Variants in SMAD9 observed in about 807,000 individuals in gnomAD.
SMAD9 encodes MAD homolog 9.
Under a neutral mutation model 46.1 loss-of-function variants are expected in SMAD9, and 36 were observed. That is an observed-to-expected ratio of 0.78 (90% CI 0.60 to 1.03). SMAD9 has a LOEUF of 1.03. Ranked by LOEUF, SMAD9 falls within the 50% of genes least tolerant of loss-of-function variation. The probability of loss-of-function intolerance (pLI) is 0.00; values close to 1 mark genes in which losing one functional copy is unlikely to be tolerated. For synonymous variants in SMAD9, 245 were observed against 237.1 expected (o/e 1.03, Z -0.31); for missense variants, 572 against 599.8 (o/e 0.95, Z 0.48).
chr13:36,847,822 C>G lies in SMAD9; in HGVS notation c.*854G>C, dbSNP rs1433531042. 3 of 152,252 alleles carry G rather than the reference C, an allele frequency of 2.0e-5. No homozygotes were observed. Among genetic ancestry groups the G allele is most frequent in the Non-Finnish European group, 4.4e-5 (3 of 68,058 alleles). The allele number at this position is 152,252 out of a possible 1,614,324, so 9.4% of individuals were successfully genotyped here. On this transcript the variant is annotated 3_prime_UTR_variant, in exon 7 of 7. Transcript: ENST00000379826. ...CTGAAACACAAGCTATTCTGGCACG[C>G]TGCGCAGACTCAAAGTTTGCAGGAC...
Position 36,903,701 on chromosome 13 carries a change from T to G in SMAD9, c.-187+16415A>C, listed in dbSNP as rs573584762. Among the ~76,000 whole-genome samples the G allele has an allele frequency of 2.0e-5, 3 of 152,318 alleles. No individual in the cohort carries two copies. The South Asian group carries it at 6.2e-4, about 32-fold the overall frequency. The stretch of plus-strand genomic sequence containing the variant: ...CAAGTAATTCTTCTAGATAAGTTAA[T>G]TTTACAGTCATACTATATATAATGC... On this transcript the variant is annotated intron_variant, in intron 1 of 6. Transcript: ENST00000379826.
Position 36,848,298 on chromosome 13 carries a change from G to T in SMAD9, c.*378C>A. ...ATTTGCTTTAGTGCTGCTAATACCT[G>T]ACTTTTGCTGTATAAACAGTTTCAA... On this transcript the variant is annotated 3_prime_UTR_variant, in exon 7 of 7. Coordinates refer to ENST00000379826, the MANE Select transcript of SMAD9 (RefSeq NM_001127217.3). 4.4e-6 allele frequency: 1 copy of T among 229,722 alleles called. No homozygotes were observed. Among genetic ancestry groups the T allele is most frequent in the Non-Finnish European group, 8.7e-6 (1 of 115,066 alleles). 14.2% of individuals were successfully genotyped at this position (229,722 alleles called of 1,614,324 possible).
chr13:36,874,658 C>A (rs573749848), intron 2 of SMAD9, among the ~76,000 whole-genome samples: 1 of 152,004 alleles, frequency 6.6e-6, no homozygotes, highest in East Asian at 1.9e-4. Context: ...GAGATCGAGA[C>A]CATCCTGGCT....
chr13:36,919,803 TC>T, intron 1 of SMAD9, among the ~76,000 whole-genome samples: 1 of 147,240 alleles, frequency 6.8e-6, no homozygotes, highest in East Asian at 2.1e-4. Context: ...CCCAGAGCAG[TC>T]CCCTCCGGCC....
intron 2 of SMAD9, among the ~76,000 whole-genome samples, chr13:36,878,216 A>G (rs1205210917): frequency 1.3e-5 from 2 of 152,180 alleles, no homozygotes; most frequent in Admixed American, 6.5e-5. Context: ...GGTTTTAGAA[A>G]GATACTTTCC....
In SMAD9 at chr13:36,894,552, A is replaced by G. The variant is rs950857945; in HGVS notation, c.-186-14677T>C. 2.5e-4 allele frequency among the ~76,000 whole-genome samples: 38 copies of G among 152,212 alleles called. 1 individual carries two copies. The highest frequency in any genetic ancestry group is 3.5e-4 in the Non-Finnish European group (24 of 68,034). ...AGTTACAAAACTAACACATGGAACA[A>G]TTAATGAGTAGCCCAAGAATGAAAT... On this transcript the variant is annotated intron_variant, in intron 1 of 6. Transcript: ENST00000379826.
chr13:36,852,368 A>G (rs1009943799), intron 6 of SMAD9: 2 of 985,130 alleles, frequency 2.0e-6, no homozygotes, highest in African/African-American at 1.7e-5. Flanking sequence ...TGATAAGCCC[A>G]TATTTTGAAA....
intron 1 of SMAD9, among the ~76,000 whole-genome samples, chr13:36,890,501 T>G (rs568812077): frequency 1.3e-5 from 2 of 152,320 alleles, no homozygotes; most frequent in African/African-American, 4.8e-5. Context: ...TTTTTCAATG[T>G]TCCCAGCATG....
chr13:36,855,153 C>T (rs368906826), intron 5 of SMAD9, among the ~76,000 whole-genome samples: 37 of 149,826 alleles, frequency 2.5e-4, no homozygotes, highest in Non-Finnish European at 5.0e-4. Flanking sequence ...TGGGGACACA[C>T]GCTTGTAATC....
At chr13:36,869,697 C>T (rs1056162442) in intron 3 of SMAD9, among the ~76,000 whole-genome samples, 6 of 152,132 alleles carry the variant, frequency 3.9e-5, no homozygotes, top group South Asian at 2.1e-4. Context: ...GGTGTGGTGG[C>T]ACATGTCTGT....
chr13:36,884,133 ACT>A (rs1489576354), intron 1 of SMAD9, among the ~76,000 whole-genome samples: 3 of 152,140 alleles, frequency 2.0e-5, no homozygotes, highest in Admixed American at 2.0e-4. Context: ...CAAAACAACA[ACT>A]CTGACACCGC....
intron 1 of SMAD9, among the ~76,000 whole-genome samples, chr13:36,904,666 C>T (rs937468543): frequency 6.6e-6 from 1 of 152,198 alleles, no homozygotes; most frequent in African/African-American, 2.4e-5. Context: ...TCTGTGACTC[C>T]CCCAAATAAA....
chr13:36,877,130 G>A (rs951240135), intron 2 of SMAD9, among the ~76,000 whole-genome samples: 2 of 152,146 alleles, frequency 1.3e-5, no homozygotes, highest in African/African-American at 2.4e-5. Flanking sequence ...TTGGGAGGAC[G>A]AGGCAGGTGG....
At chr13:36,913,291 T>C in intron 1 of SMAD9, among the ~76,000 whole-genome samples, 1 of 152,204 alleles carries the variant, frequency 6.6e-6, no homozygotes, top group East Asian at 1.9e-4. Flanking sequence ...AACTACACTA[T>C]GAAATCCTGG....
intron 1 of SMAD9, among the ~76,000 whole-genome samples, chr13:36,917,505 T>A (rs2058707760): frequency 6.6e-6 from 1 of 152,162 alleles, no homozygotes; most frequent in Non-Finnish European, 1.5e-5. Context: ...AGATTCATGG[T>A]TTCAACGTAC....
intron 1 of SMAD9, among the ~76,000 whole-genome samples, chr13:36,904,387 G>A (rs1048966489): frequency 2.0e-5 from 3 of 152,182 alleles, no homozygotes; most frequent in African/African-American, 7.2e-5. Flanking sequence ...GGATTTGCCA[G>A]GTGCGAATCG....
intron 1 of SMAD9, among the ~76,000 whole-genome samples, chr13:36,887,218 T>C (rs2058454265): frequency 1.2e-5 from 1 of 81,880 alleles, no homozygotes; most frequent in Non-Finnish European, 2.6e-5. Context: ...CTAGATCTTT[T>C]TTTTTTTTTT....
Position 36,872,698 on chromosome 13 carries a change from T to C in SMAD9, c.630A>G (p.Pro210=). The C allele has an allele frequency of 6.2e-7, 1 of 1,613,888 alleles. No individual in the cohort carries two copies. Among genetic ancestry groups the C allele is most frequent in the Non-Finnish European group, 8.5e-7 (1 of 1,179,952 alleles). ...GACTCTCTGGCTCAGAAGGACTTCCTGGGGAGTGAGGGTAGCTGGCCGTGC... is the reference window on the plus strand; with the variant it reads ...GACTCTCTGGCTCAGAAGGACTTCCCGGGGAGTGAGGGTAGCTGGCCGTGC... ...SPCTASYPHS[P]GSPSEPESPY... is the part of the protein sequence containing the mutation. The change falls in exon 3 of 7, where the codon CCA becomes CCG. Residue 210 remains proline, a synonymous_variant. Coordinates refer to ENST00000379826, the MANE Select transcript of SMAD9 (RefSeq NM_001127217.3).
chr13:36,897,787 A>C (rs1046530503), intron 1 of SMAD9, among the ~76,000 whole-genome samples: 1 of 151,932 alleles, frequency 6.6e-6, no homozygotes, highest in Non-Finnish European at 1.5e-5. Context: ...ATGACTTACA[A>C]GGAGCTATTT....
Sources: allele counts gnomAD v4.1 joint callset (sites outside exome capture counted in the v4.1 genomes callset), GRCh38; gene constraint gnomAD v4.1.1; transcripts MANE v1.5; gene names NCBI Gene and HGNC (gene_info 2026-07-23, HGNC 2026-07-21).